Variants in LYSMD4 observed in about 807,000 individuals in gnomAD.
LYSMD4 encodes the protein LysM domain containing 4.
In LYSMD4, 9 loss-of-function variants were observed where a neutral mutation model predicts 6.1. That is an observed-to-expected ratio of 1.47 (90% CI 0.88 to 2.56). The LOEUF (loss-of-function observed/expected upper bound fraction) is 2.56, where lower values mean the gene tolerates loss of function less well. LYSMD4 is among the 30% of genes most tolerant of loss of function. LYSMD4 has a pLI of 0.00. For missense variants in LYSMD4, 384 were observed against 373.5 expected, an observed-to-expected ratio of 1.03 and a Z score of -0.23; for synonymous variants, 143 against 148.5, an observed-to-expected ratio of 0.96 and a Z score of 0.27.
At chr15:99,720,928 T>A (rs947556790), upstream of LYSMD4, 1 of 152,236 alleles carries the variant, frequency 6.6e-6, no homozygotes, top group Non-Finnish European at 1.5e-5. Context: ...GTCCCCTCTT[T>A]CTGGCAGCAT....
chr15:99,731,418 A>C (rs762042270), intron 2 of LYSMD4: 1 of 1,611,078 alleles, frequency 6.2e-7, no homozygotes, highest in Non-Finnish European at 8.5e-7. Context: ...CTAAAATAAA[A>C]TGTGCTCGAA....
chr15:99,728,828 G>A lies in LYSMD4; in HGVS notation c.*295C>T, dbSNP rs2059331481. On this transcript the variant is annotated 3_prime_UTR_variant, in exon 3 of 3. Coordinates refer to ENST00000684762, the MANE Select transcript of LYSMD4 (RefSeq NM_001284417.2). ...TTCCCTCCGAGCACGTCCAACTTGG[G>A]GGTCCTCACAGTGCTGCTATGAACT... The A allele has an allele frequency of 2.5e-6, 1 of 396,268 alleles. No homozygotes were observed. Among genetic ancestry groups the A allele is most frequent in the Middle Eastern group, 7.1e-4 (1 of 1,408 alleles). The allele number at this position is 396,268 out of a possible 1,614,324, so 24.5% of individuals were successfully genotyped here. A position where few individuals can be genotyped will look rare whatever the true frequency, so the allele number is the denominator to read the frequency against.
chr15:99,729,810 T>G, intron 2 of LYSMD4, 79 bp from the exon 3 acceptor site: 2 of 1,474,724 alleles, frequency 1.4e-6, no homozygotes, highest in Non-Finnish European at 1.8e-6. Context: ...GCTCTTAATC[T>G]TTCTGGGTGA....
At chr15:99,726,425 T>A (rs2059283222), downstream of LYSMD4, among the ~76,000 whole-genome samples, 2 of 152,146 alleles carry the variant, frequency 1.3e-5, no homozygotes, top group Non-Finnish European at 2.9e-5. Context: ...ACTACAGGCA[T>A]GAGCCACTGT....
intron 2 of LYSMD4, chr15:99,731,214 G>A (rs980608636): frequency 1.2e-6 from 2 of 1,612,026 alleles, no homozygotes; most frequent in Middle Eastern, 1.7e-4. Flanking sequence ...AACATAATTA[G>A]AGAAAAACAG....
chr15:99,720,071 C>T (rs866909166), upstream of LYSMD4, among the ~76,000 whole-genome samples: 3 of 152,046 alleles, frequency 2.0e-5, no homozygotes, highest in African/African-American at 7.2e-5. Context: ...GGGATATTGA[C>T]CCTTTGGTGT....
chr15:99,732,054 C>T (rs1342683424), intron 1 of LYSMD4, 47 bp from the exon 2 acceptor site: 2 of 1,490,086 alleles, frequency 1.3e-6, no homozygotes, highest in African/African-American at 1.4e-5. Context: ...CATAATCATC[C>T]CTCCACCGCC....
Position 99,729,161 on chromosome 15 carries a change from C to G in LYSMD4, c.853G>C (p.Asp285His). ...AVAVPAVTSA[D>H]SQFSQTTQAG... is the part of the protein sequence containing the mutation. ...TGGGTGGTCTGACTGAACTGGCTGT[C>G]TGCAGAAGTGACGGCTGGCACTGCA... The change falls in exon 3 of 3, where the codon GAC becomes CAC. Residue 285 changes from aspartate to histidine, a missense_variant. Coordinates refer to ENST00000684762, the MANE Select transcript of LYSMD4 (RefSeq NM_001284417.2). 6.2e-7 allele frequency: 1 copy of G among 1,614,216 alleles called. No individual in the cohort carries two copies. Among genetic ancestry groups the G allele is most frequent in the East Asian group, 2.2e-5 (1 of 44,886 alleles).
chr15:99,719,882 G>A (rs984675117), upstream of LYSMD4, among the ~76,000 whole-genome samples: 2 of 152,192 alleles, frequency 1.3e-5, no homozygotes, highest in African/African-American at 4.8e-5. Context: ...ACCAGTCTGA[G>A]AAGTGTATCT....
At position 99,731,493 on chromosome 15, in the gene LYSMD4, G is replaced by GA. The variant is rs34495200; in HGVS notation, c.282+224dup. The GA allele has an allele frequency of 6.3e-6, 10 of 1,590,308 alleles. No individual in the cohort carries two copies. In the Admixed American group the frequency reaches 1.9e-4, roughly 30 times the overall value. The stretch of plus-strand genomic sequence containing the variant: ...AGGAAAAGGAGAAGTTCCCTGCAGA[G>GA]AAAGAAATGCGCTAACCCTCCCTCT... On this transcript the variant is annotated intron_variant, in intron 2 of 2. Coordinates refer to ENST00000684762, the MANE Select transcript of LYSMD4 (RefSeq NM_001284417.2).
upstream of LYSMD4, among the ~76,000 whole-genome samples, chr15:99,719,662 G>A (rs981467800): frequency 3.3e-5 from 5 of 152,098 alleles, no homozygotes; most frequent in South Asian, 6.2e-4. Flanking sequence ...TTCTGCAGTC[G>A]TCAATGAATA....
upstream of LYSMD4, among the ~76,000 whole-genome samples, chr15:99,721,226 C>T (rs922203664): frequency 3.9e-5 from 6 of 152,092 alleles, no homozygotes; most frequent in Non-Finnish European, 8.8e-5. Context: ...GGAAAGGAAG[C>T]GACCAGAAGA....
At chr15:99,716,407 T>C (rs1374711070) in exon 1 of LYSMD4, 1 of 411,994 alleles carries the variant, frequency 2.4e-6, no homozygotes, top group South Asian at 1.7e-5. Context: ...TTTTATCAAA[T>C]GGTGAAGACA....
At chr15:99,719,686 G>A (rs1013326175), upstream of LYSMD4, among the ~76,000 whole-genome samples, 5 of 152,218 alleles carry the variant, frequency 3.3e-5, no homozygotes, top group African/African-American at 7.2e-5. Flanking sequence ...CTACACATGC[G>A]TATATTTGTA....
At chr15:99,716,473 A>C in exon 1 of LYSMD4, 1 of 456,820 alleles carries the variant, frequency 2.2e-6, no homozygotes, top group Admixed American at 2.3e-5. Context: ...GTAAAGACGG[A>C]CTGGCTCTTC....
chr15:99,731,555 C>A, intron 2 of LYSMD4, 163 bp downstream of exon 2: 1 of 1,532,510 alleles, frequency 6.5e-7, no homozygotes, highest in South Asian at 1.3e-5. Flanking sequence ...GTACTCCCAC[C>A]TGCATTCCAA....
exon 1 of LYSMD4, chr15:99,716,796 A>T: frequency 7.4e-6 from 3 of 404,174 alleles, no homozygotes; most frequent in South Asian, 5.0e-5. Flanking sequence ...AGTGGAATCC[A>T]TTCGGCCTCC....
At chr15:99,730,364 GT>G (rs1251008215) in intron 2 of LYSMD4, among the ~76,000 whole-genome samples, 2 of 152,212 alleles carry the variant, frequency 1.3e-5, no homozygotes, top group African/African-American at 4.8e-5. Flanking sequence ...AATGCTGTGA[GT>G]TTTATCAAGT....
chr15:99,727,649 C>G lies in LYSMD4; in HGVS notation c.*1474G>C, dbSNP rs1464200833. On this transcript the variant is annotated 3_prime_UTR_variant, in exon 3 of 3. Coordinates refer to ENST00000684762, the MANE Select transcript of LYSMD4 (RefSeq NM_001284417.2). ...CAGAAGTTCTTTTTATCCTGAAGAT[C>G]ATTCTGGTTTCTAATTTAAGATTGA... The G allele has an allele frequency of 6.6e-6, 1 of 152,212 alleles. No individual in the cohort carries two copies. The highest frequency in any genetic ancestry group is 1.5e-5 in the Non-Finnish European group (1 of 68,048). The allele number at this position is 152,212 out of a possible 1,614,324, so 9.4% of individuals were successfully genotyped here.
Sources: allele counts gnomAD v4.1 joint callset (sites outside exome capture counted in the v4.1 genomes callset), GRCh38; gene constraint gnomAD v4.1.1; transcripts MANE v1.5; gene names NCBI Gene and HGNC (gene_info 2026-07-23, HGNC 2026-07-21).